Variants in RNASEH2A observed in about 807,000 individuals in gnomAD.
The protein encoded by RNASEH2A is ribonuclease H2 subunit A.
A neutral mutation model predicts 32.7 loss-of-function variants in RNASEH2A; 30 were observed. The ratio of observed to expected loss-of-function variants is 0.92; its 90% CI spans 0.69 to 1.25. The LOEUF (loss-of-function observed/expected upper bound fraction) is 1.25, where lower values mean the gene tolerates loss of function less well. RNASEH2A is among the 50% of genes most tolerant of loss of function. RNASEH2A has a pLI of 0.00. For synonymous variants in RNASEH2A, 147 were observed against 165.4 expected (o/e 0.89, Z 0.86); for missense variants, 409 against 398.1 (o/e 1.03, Z -0.23).
rs1969048200 is a variant in RNASEH2A, at chr19:12,809,925, G to A, written c.412-146G>A. On this transcript the variant is annotated intron_variant, in intron 4 of 7. Transcript: ENST00000221486. ...AACTTTGCCTGGTCTAGGAGGAGAT[G>A]TTCGAGTTGAAATCCCTGATTGATC... The A allele has an allele frequency of 3.7e-6, 4 of 1,070,944 alleles. No homozygotes were observed. The East Asian group carries it at 7.1e-5, about 19-fold the overall frequency. 66.3% of individuals were successfully genotyped at this position (1,070,944 alleles called of 1,614,324 possible).
chr19:12,810,482 T>A, intron 6 of RNASEH2A, 78 bp downstream of exon 6: 1 of 1,191,898 alleles, frequency 8.4e-7, no homozygotes, highest in Middle Eastern at 2.0e-4. Context: ...CTTTTTTTCC[T>A]TTCTGTCATT....
rs770951229 is a variant in RNASEH2A at position 12,807,414 on chromosome 19, C to G, written c.324-5C>G. On this transcript the variant is annotated splice_polypyrimidine_tract_variant and splice_region_variant and intron_variant, in intron 3 of 7. Coordinates refer to ENST00000221486, the MANE Select transcript of RNASEH2A (RefSeq NM_006397.3). ...AGATTAACTGGGCTCTGTTCCCCAC[C>G]ACAGGGTCAAATACAACCTGAACTC... 3.1e-6 allele frequency: 5 copies of G among 1,614,154 alleles called. No homozygotes were observed. Among genetic ancestry groups the G allele is most frequent in the Non-Finnish European group, 4.2e-6 (5 of 1,180,010 alleles).
chr19:12,809,105 T>A (rs1969036701), intron 4 of RNASEH2A, among the ~76,000 whole-genome samples: 1 of 152,024 alleles, frequency 6.6e-6, no homozygotes, highest in African/African-American at 2.4e-5. Context: ...TTGGGCGCAG[T>A]AGCTCACGCC....
In RNASEH2A at chr19:12,806,601, C is replaced by A. The variant is rs997948234; in HGVS notation, c.-73C>A. The stretch of plus-strand genomic sequence containing the variant: ...CCGGAAGCAGGCGCCGCTTCGAGGC[C>A]CGCGGAAAACGCGCGCCGAGACCCG... On this transcript the variant is annotated 5_prime_UTR_variant, in exon 1 of 8. Transcript: ENST00000221486. 10 of 1,546,660 alleles carry A rather than the reference C, an allele frequency of 6.5e-6. No individual in the cohort carries two copies. Among genetic ancestry groups the A allele is most frequent in the Non-Finnish European group, 8.7e-6 (10 of 1,143,532 alleles).
chr19:12,808,194 G>A (rs969883657), intron 4 of RNASEH2A, among the ~76,000 whole-genome samples: 4 of 152,180 alleles, frequency 2.6e-5, no homozygotes, highest in African/African-American at 9.6e-5. Context: ...GGAGGTTGCA[G>A]TGAGGTGAGA....
At chr19:12,807,759 C>G in intron 4 of RNASEH2A, 2 of 489,282 alleles carry the variant, frequency 4.1e-6, no homozygotes. Flanking sequence ...TGGTGAAACC[C>G]CGTCTCTACT....
In RNASEH2A at chr19:12,806,622, A is replaced by C; in HGVS notation, c.-52A>C. The C allele has an allele frequency of 6.4e-7, 1 of 1,555,942 alleles. No individual in the cohort carries two copies. The highest frequency in any genetic ancestry group is 8.7e-7 in the Non-Finnish European group (1 of 1,149,590). On this transcript the variant is annotated 5_prime_UTR_variant, in exon 1 of 8. Transcript: ENST00000221486. ...AGGCCCGCGGAAAACGCGCGCCGAG[A>C]CCCGCTCCTGCAGTATTAGTTCTTG...
chr19:12,808,308 CA>C (rs1483620443), intron 4 of RNASEH2A, among the ~76,000 whole-genome samples: 1 of 152,132 alleles, frequency 6.6e-6, no homozygotes, highest in Non-Finnish European at 1.5e-5. Flanking sequence ...GATTCAGCAT[CA>C]GATACGTCTG....
intron 4 of RNASEH2A, among the ~76,000 whole-genome samples, chr19:12,809,260 C>T (rs1262276920): frequency 2.0e-5 from 3 of 152,104 alleles, no homozygotes; most frequent in Non-Finnish European, 4.4e-5. Context: ...AGCTGGTAAA[C>T]AAAAAATAAA....
intron 6 of RNASEH2A, 54 bp from the exon 7 acceptor site, chr19:12,813,029 A>T: frequency 6.3e-7 from 1 of 1,575,372 alleles, no homozygotes; most frequent in African/African-American, 1.4e-5. Context: ...AGTGGCAGGG[A>T]GCTTGAATGT....
intron 4 of RNASEH2A, 105 bp from the exon 5 acceptor site, chr19:12,809,966 C>T: frequency 7.0e-7 from 1 of 1,430,368 alleles, no homozygotes; most frequent in Non-Finnish European, 9.8e-7. Context: ...TGGGGACGTG[C>T]TGGAGAAGAG....
intron 6 of RNASEH2A, among the ~76,000 whole-genome samples, chr19:12,811,883 C>A (rs1334218369): frequency 2.6e-5 from 4 of 151,662 alleles, no homozygotes; most frequent in African/African-American, 9.7e-5. Flanking sequence ...CATAATTGCA[C>A]TCCAGCCTGG....
At chr19:12,807,371 A>C (rs371417672) in intron 3 of RNASEH2A, 42 bp downstream of exon 3, 25 of 1,614,088 alleles carry the variant, frequency 1.5e-5, no homozygotes, top group Non-Finnish European at 2.1e-5. Flanking sequence ...GGGCTGACCA[A>C]GCTTTGTTCC....
chr19:12,808,619 C>T (rs1279585517), intron 4 of RNASEH2A, among the ~76,000 whole-genome samples: 1 of 152,192 alleles, frequency 6.6e-6, no homozygotes, highest in African/African-American at 2.4e-5. Context: ...TTGAAATGCA[C>T]ATCTCGACAT....
rs1376943013 is a variant in RNASEH2A, at chr19:12,807,202, C to T, written c.200-4C>T. On this transcript the variant is annotated splice_polypyrimidine_tract_variant and splice_region_variant and intron_variant, in intron 2 of 7. Transcript: ENST00000221486. ...TTCCCCTTCTCTTCCAAACCTCCTC[C>T]CAGACTCAAAGACCCTATTGGAGAG... is the stretch of plus-strand genomic sequence containing the variant. 2 of 1,613,970 alleles carry T rather than the reference C, an allele frequency of 1.2e-6. No homozygotes were observed.
At chr19:12,808,357 G>A (rs960322117) in intron 4 of RNASEH2A, among the ~76,000 whole-genome samples, 2 of 152,154 alleles carry the variant, frequency 1.3e-5, no homozygotes, top group African/African-American at 2.4e-5. Context: ...TGTTGATTTC[G>A]TGCTCCTGTT....
rs376539482 is a variant in RNASEH2A, at chr19:12,810,085, C to T, written c.426C>T (p.Thr142=). 1.1e-5 allele frequency: 18 copies of T among 1,613,912 alleles called. No homozygotes were observed. In the African/African-American group the frequency reaches 1.9e-4, roughly 17 times the overall value. The change falls in exon 5 of 8, where the codon ACC becomes ACT. Residue 142 remains threonine, a synonymous_variant. Transcript: ENST00000221486. Reference sequence around the variant, plus strand: ...TGCTGTGGCAGGTATTCGTGGACACCGTAGGGATGCCAGAGACATACCAGG... The same window carrying T: ...TGCTGTGGCAGGTATTCGTGGACACTGTAGGGATGCCAGAGACATACCAGG... The part of the protein sequence containing the change: ...GVNVTQVFVD[T]VGMPETYQAR...
intron 4 of RNASEH2A, among the ~76,000 whole-genome samples, chr19:12,809,053 C>G (rs11879599): frequency 0.066 from 10,074 of 151,730 alleles, 535 homozygotes; most frequent in African/African-American, 0.15. Flanking sequence ...TACCCGTAGG[C>G]GTTCAGGGCC....
chr19:12,812,290 G>A (rs1969084676), intron 6 of RNASEH2A, among the ~76,000 whole-genome samples: 1 of 152,150 alleles, frequency 6.6e-6, no homozygotes, highest in Non-Finnish European at 1.5e-5. Flanking sequence ...CACTTTGGGA[G>A]GCTGAGGTGG....
Sources: allele counts gnomAD v4.1 joint callset (sites outside exome capture counted in the v4.1 genomes callset), GRCh38; gene constraint gnomAD v4.1.1; transcripts MANE v1.5; gene names NCBI Gene and HGNC (gene_info 2026-07-23, HGNC 2026-07-21).